Variants in ZFYVE16 observed in about 807,000 individuals in gnomAD.
ZFYVE16 encodes zinc finger FYVE-type containing 16, also known as zinc finger FYVE domain-containing protein 16.
ZFYVE16 carries 89 observed loss-of-function variants against 138.1 expected under a neutral mutation model. That is an observed-to-expected ratio of 0.64 (90% confidence interval 0.54 to 0.77). The LOEUF (loss-of-function observed/expected upper bound fraction) is 0.77. Ranked by LOEUF, ZFYVE16 falls within the 30% of genes least tolerant of loss-of-function variation. The probability of loss-of-function intolerance (pLI) is 0.00; values close to 1 mark genes in which losing one functional copy is unlikely to be tolerated. For synonymous variants in ZFYVE16, 596 were observed against 618.3 expected (o/e 0.96, Z 0.53); for missense variants, 1,793 against 1,786.7 (o/e 1.00, Z -0.06).
chr5:80,441,880 A>G (rs986010181), intron 5 of ZFYVE16: 46 of 985,282 alleles, frequency 4.7e-5, no homozygotes, highest in Non-Finnish European at 5.4e-5. Flanking sequence ...GAGAGCTATC[A>G]GTGTTCCTTA....
chr5:80,419,817 G>A (rs78368725), intron 1 of ZFYVE16, among the ~76,000 whole-genome samples: 5 of 138,706 alleles, frequency 3.6e-5, no homozygotes, highest in Admixed American at 2.9e-4. Flanking sequence ...TTTTTGTTTT[G>A]TTTTATTTTT....
intron 18 of ZFYVE16, among the ~76,000 whole-genome samples, chr5:80,476,613 A>G (rs1197956063): frequency 1.3e-5 from 2 of 152,246 alleles, no homozygotes; most frequent in Non-Finnish European, 2.9e-5. Context: ...CAGAGAATTC[A>G]TTAGAATGGT....
intron 2 of ZFYVE16, among the ~76,000 whole-genome samples, chr5:80,432,401 G>GA (rs1749182915): frequency 6.6e-6 from 1 of 152,172 alleles, no homozygotes; most frequent in African/African-American, 2.4e-5. Flanking sequence ...GCTGAAACTG[G>GA]AATCCCTTCC....
chr5:80,459,361 G>C (rs1050509870), intron 14 of ZFYVE16, 53 bp from the exon 15 acceptor site: 8 of 1,502,790 alleles, frequency 5.3e-6, no homozygotes, highest in Non-Finnish European at 7.4e-6. Flanking sequence ...TAACAAATGT[G>C]TAACATAAAA....
At chr5:80,431,161 C>G (rs1178095519) in intron 2 of ZFYVE16, among the ~76,000 whole-genome samples, 2 of 152,182 alleles carry the variant, frequency 1.3e-5, no homozygotes, top group Non-Finnish European at 2.9e-5. Flanking sequence ...ACCAATATCC[C>G]TGATGAACAT....
rs576970411 is a variant in ZFYVE16, at chr5:80,465,663, C to T, written c.4024+6169C>T. Among the ~76,000 whole-genome samples, 6 of 151,830 alleles carry T rather than the reference C, an allele frequency of 4.0e-5. No individual in the cohort carries two copies. The South Asian group carries it at 1.0e-3, about 26-fold the overall frequency. On this transcript the variant is annotated intron_variant, in intron 15 of 18. Transcript: ENST00000505560. The stretch of plus-strand genomic sequence containing the variant: ...GGCTCAAGCATTCCTCCTGCCTCGC[C>T]CTCCCAAAGTGTTTTAATTATAGGC...
At chr5:80,446,084 C>T (rs60360879) in intron 7 of ZFYVE16, among the ~76,000 whole-genome samples, 9,034 of 150,474 alleles carry the variant, frequency 0.06, 482 homozygotes, top group African/African-American at 0.14. Context: ...TTAGTAGAGA[C>T]GAGGTTTCAC....
At chr5:80,465,689 A>G (rs1003877365) in intron 15 of ZFYVE16, among the ~76,000 whole-genome samples, 1 of 151,846 alleles carries the variant, frequency 6.6e-6, no homozygotes, top group African/African-American at 2.4e-5. Context: ...AATTATAGGC[A>G]TGAGCCACTG....
At chr5:80,472,384 GAGATAACC>G (rs1209878891) in intron 15 of ZFYVE16, among the ~76,000 whole-genome samples, 3 of 151,506 alleles carry the variant, frequency 2.0e-5, no homozygotes, top group African/African-American at 7.3e-5. Flanking sequence ...TCTCTGCCTG[GAGATAACC>G]ATGGGCTTAA....
intron 18 of ZFYVE16, among the ~76,000 whole-genome samples, chr5:80,475,313 A>G (rs1754792960): frequency 6.6e-6 from 1 of 152,226 alleles, no homozygotes; most frequent in Non-Finnish European, 1.5e-5. Context: ...CGTATATATA[A>G]CAGGACCACC....
At chr5:80,422,738 C>G (rs180702593) in intron 1 of ZFYVE16, among the ~76,000 whole-genome samples, 4 of 152,164 alleles carry the variant, frequency 2.6e-5, no homozygotes, top group Non-Finnish European at 5.9e-5. Context: ...CAGGCATGAG[C>G]CACTACGTCC....
At chr5:80,426,749 C>T (rs910229784) in intron 1 of ZFYVE16, among the ~76,000 whole-genome samples, 19 of 152,260 alleles carry the variant, frequency 1.2e-4, no homozygotes, top group Admixed American at 9.8e-4. Flanking sequence ...TGAACATACA[C>T]ATGCATGTAT....
At chr5:80,432,022 T>C (rs1336553079) in intron 2 of ZFYVE16, among the ~76,000 whole-genome samples, 2 of 152,192 alleles carry the variant, frequency 1.3e-5, no homozygotes, top group African/African-American at 4.8e-5. Context: ...AGGTAATTTA[T>C]AGATTCAGTG....
At position 80,437,934 on chromosome 5, in the gene ZFYVE16, A is replaced by G. The variant is rs568399559; in HGVS notation, c.1249A>G (p.Ile417Val). ...IQDAVTIHEE[I>V]QNSVVLGGEP... is the part of the protein sequence containing the mutation. ...AGATGCAGTGACTATACATGAAGAA[A>G]TACAGAACAGTGTTGTTCTAGGTGG... The change falls in exon 4 of 19, where the codon ATA becomes GTA. Residue 417 changes from isoleucine to valine, a missense_variant. Physicochemically the swap from Ile to Val is conservative, Grantham distance 29. Coordinates refer to ENST00000505560, the MANE Select transcript of ZFYVE16 (RefSeq NM_001284236.3). The G allele has an allele frequency of 4.3e-6, 7 of 1,614,106 alleles. No individual in the cohort carries two copies. Among genetic ancestry groups the G allele is most frequent in the African/African-American group, 4.0e-5 (3 of 75,070 alleles).
At chr5:80,451,768 T>C in intron 11 of ZFYVE16, 59 bp downstream of exon 11, 1 of 1,430,528 alleles carries the variant, frequency 7.0e-7, no homozygotes, top group Non-Finnish European at 9.6e-7. Context: ...ATGTAAAGAC[T>C]TTCAGGGAAT....
At position 80,474,372 on chromosome 5, in the gene ZFYVE16, TCTTAA is replaced by T. The variant is rs371626817; in HGVS notation, c.4294-287_4294-283del. On this transcript the variant is annotated intron_variant, in intron 17 of 18. Coordinates refer to ENST00000505560, the MANE Select transcript of ZFYVE16 (RefSeq NM_001284236.3). Reference sequence around the variant, plus strand: ...TAGAGAATGTAGACACAATGTTTTATCTTAACTTCATATAGATGTTCTTTACAGGA... The same window carrying T: ...TAGAGAATGTAGACACAATGTTTTATCTTCATATAGATGTTCTTTACAGGA... 4.6e-3 allele frequency among the ~76,000 whole-genome samples: 708 copies of T among 152,318 alleles called. 4 individuals are homozygous for T. The highest frequency in any genetic ancestry group is 0.016 in the African/African-American group (653 of 41,572).
At chr5:80,444,663 A>G (rs192569050) in intron 6 of ZFYVE16, among the ~76,000 whole-genome samples, 38 of 152,080 alleles carry the variant, frequency 2.5e-4, no homozygotes, top group Admixed American at 2.1e-3. Flanking sequence ...AAAGAAAGAA[A>G]TGTCCTGTGG....
intron 2 of ZFYVE16, among the ~76,000 whole-genome samples, chr5:80,429,887 C>G (rs948612565): frequency 3.3e-5 from 5 of 152,106 alleles, no homozygotes; most frequent in Admixed American, 2.0e-4. Flanking sequence ...AAGAAGAGCT[C>G]ACTATCCTAA....
intron 15 of ZFYVE16, among the ~76,000 whole-genome samples, chr5:80,462,176 A>G (rs958207855): frequency 2.0e-5 from 3 of 152,192 alleles, no homozygotes; most frequent in African/African-American, 4.8e-5. Context: ...AATTATGGTA[A>G]TATGTGGCTT....
Sources: gnomAD v4.1 joint callset for allele counts (sites outside exome capture counted in the v4.1 genomes callset) on GRCh38, gnomAD v4.1.1 for gene constraint, MANE v1.5 for transcripts, NCBI Gene and HGNC (gene_info 2026-07-23, HGNC 2026-07-21) for gene names.